GPSM2: variants seen among roughly 807,000 people sequenced by gnomAD.
GPSM2 encodes G protein-signaling modulator 2.
In GPSM2, 58 loss-of-function variants were observed where a neutral mutation model predicts 78.4. That is an observed-to-expected ratio of 0.74 (90% CI 0.60 to 0.92). The LOEUF is 0.92. Among genes scored for constraint, GPSM2 ranks in the 40% least tolerant of loss-of-function variants. The pLI is 0.00. For synonymous variants in GPSM2, 224 were observed against 280.2 expected (o/e 0.80, Z 2.00); for missense variants, 700 against 815.5 (o/e 0.86, Z 1.73).
At chr1:108,890,968 T>A (rs1234273458) in intron 2 of GPSM2, among the ~76,000 whole-genome samples, 1 of 152,226 alleles carries the variant, frequency 6.6e-6, no homozygotes, top group East Asian at 1.9e-4. Flanking sequence ...TGAAAAAGAT[T>A]AATCTTTTAA....
chr1:108,892,604 A>G (rs139412349), intron 2 of GPSM2, among the ~76,000 whole-genome samples: 1 of 152,194 alleles, frequency 6.6e-6, no homozygotes, highest in African/African-American at 2.4e-5. Flanking sequence ...ATGAATTTTA[A>G]TGGAGGGGTA....
rs727504553 is a variant in GPSM2, at chr1:108,897,056, A to G, written c.249A>G (p.Glu83=). 5 of 1,610,616 alleles carry G rather than the reference A, an allele frequency of 3.1e-6. No individual in the cohort carries two copies. The highest frequency in any genetic ancestry group is 1.8e-4 in the Middle Eastern group (1 of 5,694). ...TGCATGATTATGCCAAAGCATTAGA[A>G]TATCACCATCATGATTTAACCCTTG... The part of the protein sequence containing the change: ...FYLHDYAKAL[E]YHHHDLTLAR... The change falls in exon 3 of 15, where the codon GAA becomes GAG. Residue 83 remains glutamate (E), a synonymous_variant. Coordinates refer to ENST00000264126, the MANE Select transcript of GPSM2 (RefSeq NM_013296.5).
rs10607 is a variant in GPSM2 at position 108,930,395 on chromosome 1, C to T, written c.*455C>T. ...TAAAAAAGTATATAAAATAGTCTTA[C>T]TAAAAATCTAGGTTTTTTTTTCCTC... On this transcript the variant is annotated 3_prime_UTR_variant, in exon 15 of 15. Coordinates refer to ENST00000264126, the MANE Select transcript of GPSM2 (RefSeq NM_013296.5). 0.26 allele frequency: 39,198 copies of T among 153,066 alleles called. 5,936 individuals carry two copies. The highest frequency in any genetic ancestry group is 0.41 in the African/African-American group (16,996 of 41,400). The allele number at this position is 153,066 out of a possible 1,614,324, so 9.5% of individuals were successfully genotyped here.
chr1:108,884,381 A>G (rs1328784324), intron 1 of GPSM2, among the ~76,000 whole-genome samples: 1 of 152,194 alleles, frequency 6.6e-6, no homozygotes, highest in Admixed American at 6.6e-5. Flanking sequence ...CAGCAATCCA[A>G]AAAACTATAA....
intron 2 of GPSM2, among the ~76,000 whole-genome samples, chr1:108,892,044 G>A (rs1648006271): frequency 6.6e-6 from 1 of 152,136 alleles, no homozygotes; most frequent in African/African-American, 2.4e-5. Flanking sequence ...GCTAGCACTG[G>A]TGATGGAAAA....
intron 10 of GPSM2, among the ~76,000 whole-genome samples, chr1:108,905,702 T>A (rs988314616): frequency 6.6e-6 from 1 of 152,188 alleles, no homozygotes; most frequent in Non-Finnish European, 1.5e-5. Flanking sequence ...TCCTTCCTTC[T>A]TACTGATTTT....
At chr1:108,897,194 A>T in intron 3 of GPSM2, 109 bp downstream of exon 3, 1 of 841,150 alleles carries the variant, frequency 1.2e-6, no homozygotes, top group South Asian at 1.5e-5. Flanking sequence ...AATGAGTTCT[A>T]CTTCAGTAAC....
intron 10 of GPSM2, among the ~76,000 whole-genome samples, chr1:108,910,454 T>C (rs948053353): frequency 4.6e-5 from 7 of 152,252 alleles, no homozygotes; most frequent in African/African-American, 1.2e-4. Flanking sequence ...AACCTTGATA[T>C]CCAAACTAGA....
intron 3 of GPSM2, 38 bp from the exon 4 acceptor site, chr1:108,897,454 C>T: frequency 1.9e-6 from 3 of 1,554,130 alleles, no homozygotes; most frequent in Non-Finnish European, 1.7e-6. Context: ...ATTTTAATAC[C>T]ATTTGGTTTT....
At chr1:108,922,921 GGAGTTT>G (rs1237592501) in intron 13 of GPSM2, among the ~76,000 whole-genome samples, 1 of 152,140 alleles carries the variant, frequency 6.6e-6, no homozygotes, top group Middle Eastern at 3.2e-3. Context: ...CTTGAGGTCA[GGAGTTT>G]GAGACTATAG....
intron 14 of GPSM2, 95 bp from the exon 15 acceptor site, chr1:108,929,606 A>G (rs538348012): frequency 2.6e-6 from 3 of 1,141,510 alleles, no homozygotes; most frequent in Non-Finnish European, 4.0e-6. Flanking sequence ...ATAAAAGTTT[A>G]CAACTGCGTT....
intron 8 of GPSM2, among the ~76,000 whole-genome samples, chr1:108,902,677 G>A (rs141397226): frequency 2.0e-5 from 3 of 152,196 alleles, no homozygotes; most frequent in Non-Finnish European, 2.9e-5. Flanking sequence ...TTAGAAGATC[G>A]ATTTTGTTTT....
intron 10 of GPSM2, among the ~76,000 whole-genome samples, chr1:108,911,896 C>T (rs557200393): frequency 2.0e-5 from 3 of 150,512 alleles, no homozygotes; most frequent in African/African-American, 7.3e-5. Context: ...GCCTCTACCT[C>T]CCAGGCTCAA....
rs776770855 is a variant in GPSM2 at position 108,918,769 on chromosome 1, C to T, written c.1420C>T (p.Arg474Ter). ...AGATGCCAGTAATTCTATTGACCAC[C>T]GAATTCCAAATTCTCAGAGGGTACG... is the stretch of plus-strand genomic sequence containing the variant. ...LQDASNSIDH[R>*]IPNSQRKISA... The change falls in exon 12 of 15, where the codon CGA becomes TGA. Residue 474 changes from arginine to a stop codon, truncating the protein, a stop_gained. Transcript: ENST00000264126. LOFTEE classifies it high-confidence loss of function. 3 of 1,612,992 alleles carry T rather than the reference C, an allele frequency of 1.9e-6. No individual in the cohort carries two copies. Among genetic ancestry groups the T allele is most frequent in the Non-Finnish European group, 2.5e-6 (3 of 1,179,088 alleles).
intron 2 of GPSM2, among the ~76,000 whole-genome samples, chr1:108,887,939 T>A (rs2101344521): frequency 6.6e-6 from 1 of 152,392 alleles, no homozygotes; most frequent in East Asian, 1.9e-4. Flanking sequence ...CAAGGCTATC[T>A]GCACTATGAT....
chr1:108,915,596 T>C (rs1479469024), intron 11 of GPSM2, among the ~76,000 whole-genome samples: 4 of 150,820 alleles, frequency 2.7e-5, no homozygotes, highest in African/African-American at 7.3e-5. Flanking sequence ...CCAGCTAATG[T>C]TTGTATTTTT....
chr1:108,914,524 A>G, intron 11 of GPSM2, 116 bp downstream of exon 11: 1 of 765,178 alleles, frequency 1.3e-6, no homozygotes, highest in Non-Finnish European at 2.1e-6. Flanking sequence ...TCACTTTAAA[A>G]TTTGCCTGTA....
intron 2 of GPSM2, among the ~76,000 whole-genome samples, chr1:108,895,952 A>T (rs895025203): frequency 1.3e-5 from 2 of 152,180 alleles, no homozygotes; most frequent in Admixed American, 6.6e-5. Context: ...CCATTTTTTT[A>T]AAATGATAAG....
intron 10 of GPSM2, among the ~76,000 whole-genome samples, chr1:108,911,949 G>C (rs114208558): frequency 0.07 from 10,675 of 151,870 alleles, 520 homozygotes; most frequent in Non-Finnish European, 0.1. Context: ...GGGACTATAA[G>C]GCACATGCCA....
Sources: allele counts gnomAD v4.1 joint callset (sites outside exome capture counted in the v4.1 genomes callset), GRCh38; gene constraint gnomAD v4.1.1; transcripts MANE v1.5; gene names NCBI Gene and HGNC (gene_info 2026-07-23, HGNC 2026-07-21).